CCR3: variants seen among roughly 807,000 people sequenced by gnomAD.
CCR3 encodes C-C chemokine receptor type 3.
For missense variants in CCR3, 419 were observed against 437.5 expected (o/e 0.96, Z 0.38); for synonymous variants, 203 against 179.2 (o/e 1.13, Z -1.06).
At chr3:46,263,116 G>A (rs1355113289) in intron 1 of CCR3, among the ~76,000 whole-genome samples, 2 of 152,170 alleles carry the variant, frequency 1.3e-5, no homozygotes, top group African/African-American at 2.4e-5. Flanking sequence ...TTATCATCCC[G>A]ATCATGTTGA....
intron 2 of CCR3, among the ~76,000 whole-genome samples, chr3:46,233,992 C>T (rs1379890356): frequency 2.0e-5 from 3 of 152,218 alleles, no homozygotes; most frequent in Non-Finnish European, 2.9e-5. Context: ...ATCCTGCCAC[C>T]TCCTGGGCTG....
intron 1 of CCR3, among the ~76,000 whole-genome samples, chr3:46,243,316 C>T (rs1004800570): frequency 7.2e-5 from 11 of 151,876 alleles, no homozygotes; most frequent in Non-Finnish European, 1.3e-4. Context: ...TATTTTTGAT[C>T]CGTGATTGGT....
chr3:46,218,350 A>T (rs1393177410), intron 2 of CCR3, among the ~76,000 whole-genome samples: 1 of 151,026 alleles, frequency 6.6e-6, no homozygotes, highest in Non-Finnish European at 1.5e-5. Flanking sequence ...AAAAAAAAAA[A>T]GTCTAGGACC....
chr3:46,231,419 A>G lies in CCR3; in HGVS notation c.-67-10983A>G, dbSNP rs139364052. 4.6e-3 allele frequency among the ~76,000 whole-genome samples: 701 copies of G among 152,354 alleles called. 10 individuals are homozygous for G. Among genetic ancestry groups the G allele is most frequent in the Admixed American group, 0.034 (521 of 15,306 alleles). ...AAAGCAGAGATTACATCTTCCCACA[A>G]TAAGAAATATTTCTGGTTGTTACTT... is the stretch of plus-strand genomic sequence containing the variant. On this transcript the variant is annotated intron_variant, in intron 2 of 3. Coordinates refer to the CCR3 transcript ENST00000357422.
At chr3:46,219,792 G>C (rs1051982961) in intron 2 of CCR3, among the ~76,000 whole-genome samples, 1 of 152,188 alleles carries the variant, frequency 6.6e-6, no homozygotes, top group African/African-American at 2.4e-5. Flanking sequence ...ACCACATGTA[G>C]AAGAATGAAA....
chr3:46,247,082 G>C (rs1313282403), intron 1 of CCR3, among the ~76,000 whole-genome samples: 1 of 152,152 alleles, frequency 6.6e-6, no homozygotes, highest in Non-Finnish European at 1.5e-5. Context: ...TGATTAGAGA[G>C]TGCCTAAGGA....
At chr3:46,235,008 C>A (rs548667198) in intron 2 of CCR3, among the ~76,000 whole-genome samples, 44 of 152,320 alleles carry the variant, frequency 2.9e-4, no homozygotes, top group African/African-American at 1.1e-3. Flanking sequence ...CTACATCTGG[C>A]TTCTCTCCAC....
chr3:46,236,642 G>C (rs1250092074), intron 2 of CCR3, among the ~76,000 whole-genome samples: 1 of 152,240 alleles, frequency 6.6e-6, no homozygotes, highest in Non-Finnish European at 1.5e-5. Flanking sequence ...TGGCCCTCTT[G>C]GGACTGCTGG....
chr3:46,234,078 C>G (rs914272622), intron 2 of CCR3, among the ~76,000 whole-genome samples: 2 of 152,218 alleles, frequency 1.3e-5, no homozygotes, highest in Admixed American at 1.3e-4. Context: ...TGCATCAGGC[C>G]GGCACTGCTC....
At chr3:46,258,599 A>G (rs1700468841) in intron 1 of CCR3, among the ~76,000 whole-genome samples, 1 of 152,112 alleles carries the variant, frequency 6.6e-6, no homozygotes, top group East Asian at 1.9e-4. Context: ...ACTGGCTATT[A>G]CCCTTGGTTA....
At chr3:46,244,493 G>A (rs2125927985) in intron 1 of CCR3, among the ~76,000 whole-genome samples, 1 of 152,292 alleles carries the variant, frequency 6.6e-6, no homozygotes, top group East Asian at 1.9e-4. Context: ...TAAGGGTGGG[G>A]CCGTTTTATA....
intron 2 of CCR3, among the ~76,000 whole-genome samples, chr3:46,231,050 G>T (rs1219623042): frequency 1.3e-5 from 2 of 152,062 alleles, no homozygotes; most frequent in African/African-American, 4.8e-5. Flanking sequence ...TCAGCCTCCC[G>T]AGTAGCTGGG....
intron 2 of CCR3, among the ~76,000 whole-genome samples, chr3:46,213,390 T>C (rs1014317752): frequency 6.6e-6 from 1 of 152,244 alleles, no homozygotes; most frequent in Non-Finnish European, 1.5e-5. Context: ...TTTTAAGGCA[T>C]AACCTCAGAA....
At position 46,265,188 on chromosome 3, in the gene CCR3, C is replaced by G; in HGVS notation, c.30C>G (p.Thr10=). The G allele has an allele frequency of 6.2e-7, 1 of 1,613,742 alleles. No individual in the cohort carries two copies. The highest frequency in any genetic ancestry group is 1.3e-5 in the African/African-American group (1 of 75,000). MTTSLDTVE[T]FGTTSYYDDV... ...CAACCTCACTAGATACAGTTGAGAC[C>G]TTTGGTACCACATCCTACTATGATG... Residue 10 remains threonine, a synonymous_variant, in exon 2 of 2, where the codon ACC becomes ACG. Transcript: ENST00000395940.
intron 2 of CCR3, among the ~76,000 whole-genome samples, chr3:46,236,219 C>G (rs1700022796): frequency 1.3e-5 from 2 of 152,094 alleles, no homozygotes; most frequent in Non-Finnish European, 2.9e-5. Context: ...TGAAACAGCA[C>G]CAGCAGAAGT....
chr3:46,244,898 G>T (rs1432126781), intron 1 of CCR3, among the ~76,000 whole-genome samples: 6 of 152,272 alleles, frequency 3.9e-5, no homozygotes, highest in African/African-American at 1.2e-4. Flanking sequence ...GGAAGCACTG[G>T]GTCCCAGAAA....
At chr3:46,231,437 T>G (rs1699965533) in intron 2 of CCR3, among the ~76,000 whole-genome samples, 1 of 152,260 alleles carries the variant, frequency 6.6e-6, no homozygotes, top group Non-Finnish European at 1.5e-5. Context: ...TATTTCTGGT[T>G]GTTACTTGTA....
intron 1 of CCR3, among the ~76,000 whole-genome samples, chr3:46,244,227 T>C (rs565914625): frequency 1.3e-5 from 2 of 152,332 alleles, no homozygotes; most frequent in East Asian, 1.9e-4. Context: ...AAAAAGGCAA[T>C]GGTTAAATAA....
upstream of CCR3, among the ~76,000 whole-genome samples, chr3:46,240,900 T>C (rs12636651): frequency 0.32 from 48,647 of 152,098 alleles, 8,314 homozygotes; most frequent in East Asian, 0.61. Context: ...AAGTCTGAGA[T>C]CTTACTATCA....
Sources: gnomAD v4.1 joint callset for allele counts (sites outside exome capture counted in the v4.1 genomes callset) on GRCh38, gnomAD v4.1.1 for gene constraint, MANE v1.5 for transcripts, NCBI Gene and HGNC (gene_info 2026-07-23, HGNC 2026-07-21) for gene names.